Variants in VRK2 observed in about 807,000 individuals in gnomAD.
VRK2 encodes serine/threonine-protein kinase VRK2.
A neutral mutation model predicts 57.6 loss-of-function variants in VRK2; 60 were observed. The observed-to-expected ratio is 1.04, with a 90% CI of 0.85 to 1.29. The LOEUF is 1.29. Among genes scored for constraint, VRK2 ranks in the 50% most tolerant of loss-of-function variants. The pLI, the probability that VRK2 is intolerant of heterozygous loss-of-function variation, is 0.00. For synonymous variants in VRK2, 231 were observed against 199.2 expected, an observed-to-expected ratio of 1.16 and a Z score of -1.35; for missense variants, 705 against 588.1, an observed-to-expected ratio of 1.20 and a Z score of -2.06.
At chr2:58,046,665 C>T, upstream of VRK2, 1 of 985,632 alleles carries the variant, frequency 1.0e-6, no homozygotes, top group Non-Finnish European at 1.2e-6. Context: ...TGAAAGGAAC[C>T]GGCTGCGGCC....
upstream of VRK2, among the ~76,000 whole-genome samples, chr2:58,044,847 C>T (rs1198325927): frequency 1.3e-5 from 2 of 152,172 alleles, no homozygotes; most frequent in Non-Finnish European, 2.9e-5. Flanking sequence ...TTTTCAACGA[C>T]TGGCAATTTT....
intron 7 of VRK2, among the ~76,000 whole-genome samples, chr2:58,120,029 G>C (rs150563340): frequency 1.6e-4 from 24 of 151,916 alleles, no homozygotes; most frequent in African/African-American, 5.5e-4. Context: ...TTGTTGGAGA[G>C]ATTTCTTTCT....
At chr2:58,043,609 G>C (rs1674552669), upstream of VRK2, among the ~76,000 whole-genome samples, 1 of 152,048 alleles carries the variant, frequency 6.6e-6, no homozygotes. Flanking sequence ...TCATTGTATA[G>C]TAGATATAGT....
chr2:58,097,717 A>T (rs1673356334), intron 7 of VRK2, among the ~76,000 whole-genome samples: 1 of 152,124 alleles, frequency 6.6e-6, no homozygotes, highest in Non-Finnish European at 1.5e-5. Context: ...CACATTACTC[A>T]TGTGTTTGCA....
At chr2:58,002,507 G>A (rs1188468358) in intron 1 of VRK2, among the ~76,000 whole-genome samples, 4 of 152,042 alleles carry the variant, frequency 2.6e-5, no homozygotes, top group Non-Finnish European at 5.9e-5. Context: ...TATGTGTGAA[G>A]ATAGGTAGTG....
chr2:58,087,419 C>A (rs1191517601), intron 5 of VRK2, among the ~76,000 whole-genome samples: 1 of 151,998 alleles, frequency 6.6e-6, no homozygotes, highest in South Asian at 2.1e-4. Flanking sequence ...ATACTAGTTG[C>A]CTTAGAAGGA....
chr2:58,154,324 T>G (rs1420489796), intron 12 of VRK2, among the ~76,000 whole-genome samples: 2 of 151,912 alleles, frequency 1.3e-5, no homozygotes, highest in Non-Finnish European at 2.9e-5. Flanking sequence ...TGGATTTCTT[T>G]TTTTTTTAAT....
rs573892429 is a variant in VRK2, at chr2:58,021,271, C to T, written c.-438-4394C>T. 2.0e-5 allele frequency among the ~76,000 whole-genome samples: 3 copies of T among 152,122 alleles called. No individual in the cohort carries two copies. In the South Asian group the frequency reaches 6.2e-4, roughly 32 times the overall value. The stretch of plus-strand genomic sequence containing the variant: ...GATTTTTTTTTCCCTCCTTTCCAAG[C>T]TCACAGATTGTTCCTAACATCTAAC... On this transcript the variant is annotated intron_variant, in intron 1 of 15. Transcript: ENST00000417641.
intron 7 of VRK2, 144 bp from the exon 8 acceptor site, chr2:58,122,957 A>C: frequency 2.0e-6 from 2 of 984,174 alleles, no homozygotes; most frequent in Non-Finnish European, 1.4e-6. Flanking sequence ...CCAGTTGTAC[A>C]TATTTTATCC....
intron 12 of VRK2, among the ~76,000 whole-genome samples, chr2:58,146,834 TC>T: frequency 6.6e-6 from 1 of 151,944 alleles, no homozygotes; most frequent in East Asian, 1.9e-4. Context: ...GTGAAGTGTT[TC>T]CCTGTCAATG....
At chr2:57,929,668 T>C (rs1670656301) in intron 1 of VRK2, among the ~76,000 whole-genome samples, 1 of 152,118 alleles carries the variant, frequency 6.6e-6, no homozygotes, top group African/African-American at 2.4e-5. Context: ...ATGTGCTGGA[T>C]CTCACCTGAA....
At chr2:57,978,966 T>A (rs1672333646) in intron 1 of VRK2, among the ~76,000 whole-genome samples, 1 of 151,096 alleles carries the variant, frequency 6.6e-6, no homozygotes, top group South Asian at 2.1e-4. Flanking sequence ...TCTATGTCCC[T>A]GCAAAGGATA....
intron 2 of VRK2, among the ~76,000 whole-genome samples, chr2:58,078,864 G>A (rs1032980934): frequency 6.6e-6 from 1 of 152,044 alleles, no homozygotes; most frequent in Non-Finnish European, 1.5e-5. Flanking sequence ...TTTAGAGAAA[G>A]GGTAACTCTG....
chr2:58,141,762 AC>A (rs1681374070), intron 11 of VRK2, among the ~76,000 whole-genome samples: 1 of 151,960 alleles, frequency 6.6e-6, no homozygotes, highest in African/African-American at 2.4e-5. Context: ...CAAAAACCAA[AC>A]CTGAAAATGT....
rs186905266 is a variant in VRK2 at position 57,936,344 on chromosome 2, C to A, written c.-439+28505C>A. Among the ~76,000 whole-genome samples, 15 of 152,232 alleles carry A rather than the reference C, an allele frequency of 9.9e-5. No homozygotes were observed. In the East Asian group the frequency reaches 2.9e-3, roughly 29 times the overall value. On this transcript the variant is annotated intron_variant, in intron 1 of 15. Coordinates refer to the VRK2 transcript ENST00000417641. ...CTGATTTTTCCAGCATTTTACCTAGCAAATAATGGTAAGTTTAAGAACACT... is the reference window on the plus strand; with the variant it reads ...CTGATTTTTCCAGCATTTTACCTAGAAAATAATGGTAAGTTTAAGAACACT...
intron 2 of VRK2, among the ~76,000 whole-genome samples, chr2:58,059,496 G>C (rs185464654): frequency 6.6e-6 from 1 of 151,902 alleles, no homozygotes. Context: ...AAGATACACT[G>C]CTTAGAAAAG....
At chr2:58,021,475 T>C (rs1403434396) in intron 1 of VRK2, among the ~76,000 whole-genome samples, 1 of 152,222 alleles carries the variant, frequency 6.6e-6, no homozygotes, top group East Asian at 1.9e-4. Flanking sequence ...ATACGTATGC[T>C]TGGACTAAAT....
chr2:58,084,270 G>A lies in VRK2; in HGVS notation c.186+132G>A, dbSNP rs1032871214. On this transcript the variant is annotated intron_variant, in intron 3 of 12. Coordinates refer to ENST00000340157, the MANE Select transcript of VRK2 (RefSeq NM_006296.7). Reference sequence around the variant, plus strand: ...ACCTAATGTTATCATCTGTTTTGACGTTGTTAAAACATTAAAACTGGAGAA... The same window carrying A: ...ACCTAATGTTATCATCTGTTTTGACATTGTTAAAACATTAAAACTGGAGAA... The A allele has an allele frequency of 1.9e-5, 18 of 933,152 alleles. No homozygotes were observed. The East Asian group carries it at 2.6e-4, about 13-fold the overall frequency. 57.8% of individuals were successfully genotyped at this position (933,152 alleles called of 1,614,324 possible).
At chr2:58,013,858 C>CAAAAAAA (rs60604486) in intron 1 of VRK2, among the ~76,000 whole-genome samples, 6 of 62,776 alleles carry the variant, frequency 9.6e-5, no homozygotes, top group African/African-American at 1.6e-4. Flanking sequence ...GACTCCGTCT[C>CAAAAAAA]AAAAAAAAAA....
Sources: gnomAD v4.1 joint callset for allele counts (sites outside exome capture counted in the v4.1 genomes callset) on GRCh38, gnomAD v4.1.1 for gene constraint, MANE v1.5 for transcripts, NCBI Gene and HGNC (gene_info 2026-07-23, HGNC 2026-07-21) for gene names.